The following SPAG16 variants were observed in gnomAD, a reference collection of about 807,000 sequenced individuals.
SPAG16 encodes sperm associated antigen 16.
Under a neutral mutation model 80.4 loss-of-function variants are expected in SPAG16, and 86 were observed. That is an observed-to-expected ratio of 1.07 (90% CI 0.90 to 1.28). The LOEUF is 1.28. Ranked by LOEUF, SPAG16 falls within the 50% of genes most tolerant of loss-of-function variation. The pLI, the probability that SPAG16 is intolerant of heterozygous loss-of-function variation, is 0.00. For missense variants in SPAG16, 870 were observed against 765.3 expected, an observed-to-expected ratio of 1.14 and a Z score of -1.61; for synonymous variants, 294 against 265.9, an observed-to-expected ratio of 1.11 and a Z score of -1.03.
chr2:214,013,270 G>T (rs966573256), intron 12 of SPAG16, among the ~76,000 whole-genome samples: 1 of 151,560 alleles, frequency 6.6e-6, no homozygotes, highest in Admixed American at 6.6e-5. Flanking sequence ...CATATCTGTG[G>T]TGTAGAGAGA....
intron 10 of SPAG16, among the ~76,000 whole-genome samples, chr2:213,751,195 C>A (rs1230564765): frequency 6.6e-6 from 1 of 151,286 alleles, no homozygotes; most frequent in African/African-American, 2.4e-5. Context: ...ATTTTATTTA[C>A]TATAGTTGCT....
chr2:213,626,840 G>A (rs1173324113), intron 10 of SPAG16, among the ~76,000 whole-genome samples: 2 of 151,834 alleles, frequency 1.3e-5, no homozygotes, highest in Non-Finnish European at 2.9e-5. Flanking sequence ...TAGAGACGGT[G>A]TTTCACCATG....
intron 9 of SPAG16, among the ~76,000 whole-genome samples, chr2:213,454,973 G>A (rs1185813213): frequency 6.6e-6 from 1 of 152,024 alleles, no homozygotes; most frequent in East Asian, 1.9e-4. Flanking sequence ...TTGATTCTGT[G>A]TTATAAACTT....
At chr2:214,233,340 T>TG (rs1190202075) in intron 15 of SPAG16, among the ~76,000 whole-genome samples, 12 of 120,338 alleles carry the variant, frequency 1.0e-4, no homozygotes, top group African/African-American at 1.8e-4. Flanking sequence ...TAAAAATAGA[T>TG]AATAATGATG....
chr2:213,300,945 A>G (rs1244018755), intron 3 of SPAG16, among the ~76,000 whole-genome samples: 1 of 152,130 alleles, frequency 6.6e-6, no homozygotes, highest in African/African-American at 2.4e-5. Context: ...TTATGTTAAT[A>G]TACCAAAATA....
At chr2:213,589,288 A>G (rs1327742495) in intron 10 of SPAG16, among the ~76,000 whole-genome samples, 1 of 152,254 alleles carries the variant, frequency 6.6e-6, no homozygotes, top group Non-Finnish European at 1.5e-5. Flanking sequence ...TCATTACTTT[A>G]TATAACCAGA....
intron 15 of SPAG16, among the ~76,000 whole-genome samples, chr2:214,204,331 T>C (rs2058087412): frequency 6.6e-6 from 1 of 152,232 alleles, no homozygotes; most frequent in Non-Finnish European, 1.5e-5. Flanking sequence ...CTGCAGCTGA[T>C]GCTGTCTTGA....
intron 15 of SPAG16, among the ~76,000 whole-genome samples, chr2:214,403,016 A>T (rs930440413): frequency 6.6e-6 from 1 of 151,456 alleles, no homozygotes; most frequent in East Asian, 1.9e-4. Flanking sequence ...CAGCTGAATC[A>T]AAGTGGAAGG....
At chr2:213,645,307 G>A (rs959822218) in intron 10 of SPAG16, among the ~76,000 whole-genome samples, 1 of 151,898 alleles carries the variant, frequency 6.6e-6, no homozygotes, top group African/African-American at 2.4e-5. Context: ...GTCAGGTCCT[G>A]GAATTAGGGA....
intron 15 of SPAG16, among the ~76,000 whole-genome samples, chr2:214,252,526 A>T (rs898913356): frequency 6.0e-5 from 9 of 148,792 alleles, no homozygotes; most frequent in African/African-American, 2.2e-4. Flanking sequence ...ACTCCCACTT[A>T]TATGTGAGAA....
chr2:214,093,144 T>C (rs1255005687), intron 13 of SPAG16, among the ~76,000 whole-genome samples: 1 of 152,084 alleles, frequency 6.6e-6, no homozygotes, highest in Non-Finnish European at 1.5e-5. Flanking sequence ...TTACCACCTC[T>C]CTGATCCTTT....
chr2:213,699,538 G>C (rs2065312744), intron 10 of SPAG16, among the ~76,000 whole-genome samples: 1 of 152,168 alleles, frequency 6.6e-6, no homozygotes, highest in Non-Finnish European at 1.5e-5. Context: ...GCTAATGGGA[G>C]AGTCCTTATC....
At chr2:213,425,495 C>A (rs1408972452) in intron 9 of SPAG16, among the ~76,000 whole-genome samples, 1 of 151,200 alleles carries the variant, frequency 6.6e-6, no homozygotes, top group Admixed American at 6.6e-5. Flanking sequence ...ACTAAAAATA[C>A]AAAAAAATTA....
At chr2:213,314,400 A>G (rs1357221658) in intron 4 of SPAG16, among the ~76,000 whole-genome samples, 3 of 151,890 alleles carry the variant, frequency 2.0e-5, no homozygotes, top group African/African-American at 4.8e-5. Context: ...TGTTAAAACA[A>G]AACAAAACAA....
intron 4 of SPAG16, among the ~76,000 whole-genome samples, chr2:213,311,841 G>C (rs962695691): frequency 1.3e-5 from 2 of 151,144 alleles, no homozygotes; most frequent in African/African-American, 4.8e-5. Context: ...TATATCATTT[G>C]CTATGAATTC....
intron 10 of SPAG16, among the ~76,000 whole-genome samples, chr2:213,768,855 A>C (rs1379395459): frequency 6.6e-6 from 1 of 152,192 alleles, no homozygotes; most frequent in Non-Finnish European, 1.5e-5. Flanking sequence ...AATGCCTAGA[A>C]CAATGCCCAT....
intron 9 of SPAG16, among the ~76,000 whole-genome samples, chr2:213,410,513 G>C (rs994089691): frequency 6.6e-6 from 1 of 152,132 alleles, no homozygotes; most frequent in African/African-American, 2.4e-5. Context: ...TTGGTCCAAC[G>C]TTCTGTGGCC....
At chr2:213,563,766 T>C (rs2059669533) in intron 10 of SPAG16, among the ~76,000 whole-genome samples, 2 of 152,258 alleles carry the variant, frequency 1.3e-5, no homozygotes, top group African/African-American at 2.4e-5. Flanking sequence ...TCTCTTGTTA[T>C]TGTTTTGTTC....
intron 10 of SPAG16, among the ~76,000 whole-genome samples, chr2:213,861,493 CAT>C (rs1387561331): frequency 2.0e-5 from 3 of 152,126 alleles, no homozygotes; most frequent in Non-Finnish European, 2.9e-5. Flanking sequence ...TTTAAATCAT[CAT>C]ATGTCTTACC....
Sources: gnomAD v4.1 joint callset for allele counts (sites outside exome capture counted in the v4.1 genomes callset) on GRCh38, gnomAD v4.1.1 for gene constraint, MANE v1.5 for transcripts, NCBI Gene and HGNC (gene_info 2026-07-23, HGNC 2026-07-21) for gene names.